The following FSTL4 variants were observed in gnomAD, a reference collection of about 807,000 sequenced individuals.
FSTL4 encodes the protein follistatin like 4, also known as follistatin-related protein 4.
FSTL4 carries 28 observed loss-of-function variants against 78.2 expected under a neutral mutation model. The observed-to-expected ratio is 0.36, with a 90% CI of 0.27 to 0.49. The LOEUF (loss-of-function observed/expected upper bound fraction) is 0.49. FSTL4 is among the 20% of genes least tolerant of loss of function. The pLI, the probability that FSTL4 is intolerant of heterozygous loss-of-function variation, is 0.98. For missense variants in FSTL4, 922 were observed against 1,084.9 expected (o/e 0.85, Z 2.11); for synonymous variants, 422 against 440.5 (o/e 0.96, Z 0.53).
At chr5:133,655,460 A>G in the FSTL4 span, among the ~76,000 whole-genome samples, 4 of 152,234 alleles carry the variant, frequency 2.6e-5, no homozygotes, top group Admixed American at 2.6e-4. Context: ...TTGGGCAATG[A>G]CAGGTACACA....
chr5:133,478,623 A>T (rs1482579495), intron 3 of FSTL4, among the ~76,000 whole-genome samples: 1 of 152,214 alleles, frequency 6.6e-6, no homozygotes, highest in Non-Finnish European at 1.5e-5. Context: ...CCTGATCAAC[A>T]ATAGCTGAGT....
At chr5:133,612,803 G>A (rs1277729291), upstream of FSTL4, among the ~76,000 whole-genome samples, 6 of 152,270 alleles carry the variant, frequency 3.9e-5, no homozygotes, top group Non-Finnish European at 7.4e-5. This position sits in a 1 kb window ranked among gnomAD's most constrained non-coding sequence, Gnocchi z 6.2. Flanking sequence ...CTTCACCTCT[G>A]CTCTCCTCCA....
intron 2 of FSTL4, among the ~76,000 whole-genome samples, chr5:133,575,572 T>C (rs1219890303): frequency 1.3e-5 from 2 of 152,186 alleles, no homozygotes; most frequent in Non-Finnish European, 2.9e-5. Flanking sequence ...AGATTATTTT[T>C]GGGAGGTAAA....
the FSTL4 span, among the ~76,000 whole-genome samples, chr5:133,699,689 G>A: frequency 6.6e-6 from 1 of 152,094 alleles, no homozygotes; most frequent in Non-Finnish European, 1.5e-5. Context: ...AGACCATCCT[G>A]TCTAACACGG....
chr5:133,355,507 T>A (rs1446663905), intron 4 of FSTL4, among the ~76,000 whole-genome samples: 1 of 151,962 alleles, frequency 6.6e-6, no homozygotes, highest in Non-Finnish European at 1.5e-5. Context: ...AATACAAAAA[T>A]TAGCTGGGTG....
At position 133,589,149 on chromosome 5, in the gene FSTL4, G is replaced by T. The variant is rs866738458; in HGVS notation, c.126+14709C>A. Among the ~76,000 whole-genome samples, 52 of 52,058 alleles carry T rather than the reference G, an allele frequency of 1.0e-3. 2 individuals carry two copies. Among genetic ancestry groups the T allele is most frequent in the East Asian group, 2.2e-3 (3 of 1,360 alleles). The allele number at this position is 52,058 out of a possible 152,430, so 34.2% of individuals were successfully genotyped here. On this transcript the variant is annotated intron_variant, in intron 2 of 15. Transcript: ENST00000265342. The stretch of plus-strand genomic sequence containing the variant: ...TGGGGACTGTGGTGGGGTCGGGGGA[G>T]GGGGGAGGGATAGCATTGGGAGATA...
chr5:133,582,472 T>C (rs1389377706), intron 2 of FSTL4, among the ~76,000 whole-genome samples: 3 of 152,164 alleles, frequency 2.0e-5, no homozygotes, highest in African/African-American at 7.2e-5. Context: ...AACAGCATCC[T>C]GGTTGTGCCC....
At chr5:133,719,863 G>A in the FSTL4 span, among the ~76,000 whole-genome samples, 5 of 152,188 alleles carry the variant, frequency 3.3e-5, no homozygotes, top group South Asian at 1.0e-3. Context: ...GTATTCATGA[G>A]CTTTGGAAAT....
intron 2 of FSTL4, among the ~76,000 whole-genome samples, chr5:133,571,253 A>G (rs762721304): frequency 5.3e-5 from 8 of 152,206 alleles, no homozygotes; most frequent in Non-Finnish European, 8.8e-5. Flanking sequence ...AATTATTCCT[A>G]TTCTTGAGTA....
intron 8 of FSTL4, among the ~76,000 whole-genome samples, chr5:133,228,012 A>G (rs547375413): frequency 6.6e-6 from 1 of 152,298 alleles, no homozygotes; most frequent in South Asian, 2.1e-4. Flanking sequence ...AGATCCCTTG[A>G]GCCCACATGT....
chr5:133,762,635 T>C, the FSTL4 span, among the ~76,000 whole-genome samples: 3 of 152,248 alleles, frequency 2.0e-5, no homozygotes, highest in East Asian at 5.8e-4. Flanking sequence ...CTCTCTGCTC[T>C]GCTGCCCTCC....
chr5:133,675,219 C>T, the FSTL4 span, among the ~76,000 whole-genome samples: 7 of 152,108 alleles, frequency 4.6e-5, no homozygotes, highest in African/African-American at 1.7e-4. Flanking sequence ...GCAGAAGAAA[C>T]AGCTAGCACA....
At chr5:133,388,179 C>T (rs544062316) in intron 4 of FSTL4, among the ~76,000 whole-genome samples, 1 of 152,210 alleles carries the variant, frequency 6.6e-6, no homozygotes, top group Non-Finnish European at 1.5e-5. Flanking sequence ...TCTGTGCTCA[C>T]CTAAGCCTTG....
chr5:133,748,002 C>T, the FSTL4 span, among the ~76,000 whole-genome samples: 1 of 152,048 alleles, frequency 6.6e-6, no homozygotes, highest in Non-Finnish European at 1.5e-5. Flanking sequence ...CGAGACCATC[C>T]TGGCCAACAT....
intron 3 of FSTL4, among the ~76,000 whole-genome samples, chr5:133,557,561 G>A (rs1287541666): frequency 6.6e-6 from 1 of 152,214 alleles, no homozygotes; most frequent in East Asian, 1.9e-4. Flanking sequence ...TTAAGTGCAT[G>A]AATCACATGA....
At chr5:133,344,359 GT>G (rs1401077063) in intron 4 of FSTL4, among the ~76,000 whole-genome samples, 3 of 152,122 alleles carry the variant, frequency 2.0e-5, no homozygotes, top group African/African-American at 7.2e-5. Context: ...ATAAGTGTAA[GT>G]TTCTATTCAT....
chr5:133,360,816 G>A (rs551812023), intron 4 of FSTL4, among the ~76,000 whole-genome samples: 4 of 152,214 alleles, frequency 2.6e-5, no homozygotes, highest in Non-Finnish European at 4.4e-5. Flanking sequence ...AAGCCTCTTC[G>A]TCTCTTCTGA....
At chr5:133,337,553 T>C (rs1754492277) in intron 4 of FSTL4, among the ~76,000 whole-genome samples, 1 of 152,286 alleles carries the variant, frequency 6.6e-6, no homozygotes, top group Admixed American at 6.5e-5. Flanking sequence ...CTAGAGCTAA[T>C]GGATCACAGA....
At chr5:133,373,414 A>G (rs1037752374) in intron 4 of FSTL4, among the ~76,000 whole-genome samples, 1 of 152,174 alleles carries the variant, frequency 6.6e-6, no homozygotes, top group Admixed American at 6.5e-5. Context: ...ACACATCCTG[A>G]GAGTAAGAAT....
Sources: allele counts gnomAD v4.1 joint callset (sites outside exome capture counted in the v4.1 genomes callset), GRCh38; gene constraint gnomAD v4.1.1; non-coding constraint Gnocchi (gnomAD v3.1); transcripts MANE v1.5; gene names NCBI Gene and HGNC (gene_info 2026-07-23, HGNC 2026-07-21).